Variants in FRMD6 observed in about 807,000 individuals in gnomAD.
FRMD6 encodes the protein FERM domain-containing protein 6.
Under a neutral mutation model 73.2 loss-of-function variants are expected in FRMD6, and 37 were observed. The ratio of observed to expected loss-of-function variants is 0.51; its 90% CI spans 0.39 to 0.66. The LOEUF is 0.66. Ranked by LOEUF, FRMD6 falls within the 30% of genes least tolerant of loss-of-function variation. FRMD6 has a pLI of 0.00. For missense variants in FRMD6, 714 were observed against 780.5 expected, an observed-to-expected ratio of 0.91 and a Z score of 1.02; for synonymous variants, 273 against 282.2, an observed-to-expected ratio of 0.97 and a Z score of 0.33.
At chr14:51,525,883 T>C (rs988960167) in intron 1 of FRMD6, among the ~76,000 whole-genome samples, 2 of 152,150 alleles carry the variant, frequency 1.3e-5, no homozygotes, top group African/African-American at 4.8e-5. Context: ...CCTCAGGAAG[T>C]TGACAGTCCT....
chr14:51,628,998 T>A (rs1223372339), intron 2 of FRMD6, among the ~76,000 whole-genome samples: 1 of 146,736 alleles, frequency 6.8e-6, no homozygotes, highest in African/African-American at 2.5e-5. Flanking sequence ...TGCCTCAGCC[T>A]CCCGAGTAGC....
At chr14:51,597,072 T>A (rs41409652) in intron 2 of FRMD6, among the ~76,000 whole-genome samples, 11,255 of 152,302 alleles carry the variant, frequency 0.074, 663 homozygotes, top group African/African-American at 0.15. Flanking sequence ...GAAGCAATGT[T>A]ACCTATGATG....
intron 1 of FRMD6, chr14:51,547,873 C>T (rs1358486719): frequency 2.0e-5 from 3 of 148,266 alleles, no homozygotes; most frequent in African/African-American, 5.0e-5. Context: ...ATGTTGGCAC[C>T]CTGTGTGGCC....
At chr14:51,638,904 C>T (rs1371181954) in intron 2 of FRMD6, among the ~76,000 whole-genome samples, 5 of 152,114 alleles carry the variant, frequency 3.3e-5, no homozygotes, top group Non-Finnish European at 7.4e-5. Flanking sequence ...GAATTTTGTT[C>T]CCAGTCCTTC....
intron 12 of FRMD6, among the ~76,000 whole-genome samples, chr14:51,725,013 G>C (rs1262535896): frequency 6.6e-6 from 1 of 152,150 alleles, no homozygotes; most frequent in Admixed American, 6.5e-5. Flanking sequence ...CAAAGACCCA[G>C]TACTGAATTT....
At chr14:51,557,492 G>A (rs1887207610) in intron 1 of FRMD6, among the ~76,000 whole-genome samples, 1 of 152,116 alleles carries the variant, frequency 6.6e-6, no homozygotes, top group African/African-American at 2.4e-5. Flanking sequence ...GGCAAGGCTA[G>A]GGCAGGGTGA....
chr14:51,499,839 AT>A (rs925748528), intron 1 of FRMD6, among the ~76,000 whole-genome samples: 10 of 151,372 alleles, frequency 6.6e-5, no homozygotes, highest in East Asian at 1.9e-4. Context: ...GTTGGGAGGT[AT>A]TTTTTTTTCT....
chr14:51,436,956 A>G, the FRMD6 span: 1 of 970,756 alleles, frequency 1.0e-6, no homozygotes, highest in Non-Finnish European at 1.5e-6. Flanking sequence ...GAAGGAGAAG[A>G]TGACTAACAG....
intron 1 of FRMD6, among the ~76,000 whole-genome samples, chr14:51,498,548 C>T (rs1036406096): frequency 2.6e-5 from 4 of 152,206 alleles, no homozygotes; most frequent in Non-Finnish European, 2.9e-5. Flanking sequence ...GGCTTATGCA[C>T]GTGGCTGCCT....
intron 7 of FRMD6, among the ~76,000 whole-genome samples, chr14:51,710,914 G>A (rs1247812622): frequency 6.6e-6 from 1 of 151,994 alleles, no homozygotes; most frequent in Non-Finnish European, 1.5e-5. Flanking sequence ...CTGGTAGATT[G>A]TGTATCATAT....
intron 1 of FRMD6, chr14:51,491,592 G>A (rs777346703): frequency 6.6e-5 from 10 of 152,176 alleles, no homozygotes; most frequent in Non-Finnish European, 1.3e-4. Flanking sequence ...ACAACCCTAT[G>A]AAGTAAGGAC....
At chr14:51,440,278 A>G in the FRMD6 span, among the ~76,000 whole-genome samples, 8 of 152,260 alleles carry the variant, frequency 5.3e-5, no homozygotes, top group African/African-American at 1.4e-4. Flanking sequence ...AGAGAAATTT[A>G]TAATTCATCT....
intron 1 of FRMD6, among the ~76,000 whole-genome samples, chr14:51,504,358 G>T (rs559178903): frequency 6.6e-6 from 1 of 152,224 alleles, no homozygotes; most frequent in Non-Finnish European, 1.5e-5. Flanking sequence ...GCACCTGTAG[G>T]AGGTGGCTAG....
chr14:51,460,498 G>A, the FRMD6 span, among the ~76,000 whole-genome samples: 8 of 152,144 alleles, frequency 5.3e-5, no homozygotes, highest in African/African-American at 1.9e-4. Flanking sequence ...CATAAGTAAT[G>A]TTTCCTTAAG....
intron 1 of FRMD6, among the ~76,000 whole-genome samples, chr14:51,556,097 C>G (rs999223845): frequency 3.9e-5 from 6 of 152,172 alleles, no homozygotes; most frequent in Non-Finnish European, 5.9e-5. Context: ...TGCCAAAGGG[C>G]CTTGCATCAA....
At chr14:51,618,270 G>A (rs973103105) in intron 2 of FRMD6, among the ~76,000 whole-genome samples, 14 of 152,158 alleles carry the variant, frequency 9.2e-5, no homozygotes, top group Non-Finnish European at 1.8e-4. Flanking sequence ...TCAGAGGAGG[G>A]AGAGGAAGGA....
At chr14:51,722,139 A>G in intron 12 of FRMD6, 59 bp downstream of exon 12, 1 of 1,592,508 alleles carries the variant, frequency 6.3e-7, no homozygotes, top group Non-Finnish European at 8.6e-7. Flanking sequence ...ACTGAAAAAC[A>G]CATGCCTCAG....
At chr14:51,493,435 T>C (rs1273507082) in intron 1 of FRMD6, among the ~76,000 whole-genome samples, 2 of 152,156 alleles carry the variant, frequency 1.3e-5, no homozygotes, top group African/African-American at 2.4e-5. Flanking sequence ...GTTCTTGTGA[T>C]AGTGAATAAG....
Position 51,711,642 on chromosome 14 carries a change from G to A in FRMD6, c.780+46G>A, listed in dbSNP as rs201047798. The A allele has an allele frequency of 6.8e-4, 929 of 1,368,200 alleles. 8 individuals are homozygous for A. In the African/African-American group the frequency reaches 0.011, roughly 17 times the overall value. The allele number at this position is 1,368,200 out of a possible 1,614,324, so 84.8% of individuals were successfully genotyped here. A position where few individuals can be genotyped will look rare whatever the true frequency, so the allele number is the denominator to read the frequency against. On this transcript the variant is annotated intron_variant, in intron 8 of 13. Transcript: ENST00000344768. Reference sequence around the variant, plus strand: ...TCAAATGCTGTCAGCCATGTCTTCTGTTTACAGCATGCCTCTGTGGTCCTG... The same window carrying A: ...TCAAATGCTGTCAGCCATGTCTTCTATTTACAGCATGCCTCTGTGGTCCTG...
Sources: allele counts gnomAD v4.1 joint callset (sites outside exome capture counted in the v4.1 genomes callset), GRCh38; gene constraint gnomAD v4.1.1; transcripts MANE v1.5; gene names NCBI Gene and HGNC (gene_info 2026-07-23, HGNC 2026-07-21).